PCDH7: variants seen among roughly 807,000 people sequenced by gnomAD.
The protein encoded by PCDH7 is protocadherin-7.
PCDH7 carries 17 observed loss-of-function variants against 58.9 expected under a neutral mutation model. That is an observed-to-expected ratio of 0.29 (90% CI 0.20 to 0.43). The LOEUF (loss-of-function observed/expected upper bound fraction) is 0.43, where lower values mean the gene tolerates loss of function less well. Among genes scored for constraint, PCDH7 ranks in the 20% least tolerant of loss-of-function variants. The probability of loss-of-function intolerance (pLI) is 1.00; values close to 1 mark genes in which losing one functional copy is unlikely to be tolerated. For synonymous variants in PCDH7, 664 were observed against 616.4 expected (o/e 1.08, Z -1.14); for missense variants, 1,274 against 1,441.0 (o/e 0.88, Z 1.88).
At chr4:31,022,683 C>T (rs1006007975) in intron 3 of PCDH7, among the ~76,000 whole-genome samples, 1 of 151,952 alleles carries the variant, frequency 6.6e-6, no homozygotes, top group Admixed American at 6.6e-5. Flanking sequence ...TCAGTTTTTC[C>T]ATAGAAAAAA....
chr4:31,120,576 T>G (rs988597159), intron 3 of PCDH7, among the ~76,000 whole-genome samples: 10 of 152,078 alleles, frequency 6.6e-5, no homozygotes, highest in Admixed American at 6.6e-4. Flanking sequence ...TTCCCTTTCT[T>G]AAATTCATAT....
chr4:30,799,876 C>T (rs1216735585), intron 1 of PCDH7, among the ~76,000 whole-genome samples: 12 of 149,196 alleles, frequency 8.0e-5, no homozygotes, highest in South Asian at 4.2e-4. Context: ...TTTTTGGACA[C>T]GGAGTCTCAC....
chr4:30,761,644 T>C (rs908546287), intron 1 of PCDH7, among the ~76,000 whole-genome samples: 1 of 152,174 alleles, frequency 6.6e-6, no homozygotes, highest in Non-Finnish European at 1.5e-5. Flanking sequence ...GACTGCCATA[T>C]GAGACAGCAT....
At chr4:31,041,623 C>T (rs1755870511) in intron 3 of PCDH7, among the ~76,000 whole-genome samples, 1 of 151,804 alleles carries the variant, frequency 6.6e-6, no homozygotes, top group African/African-American at 2.4e-5. Context: ...AAGAATTGTC[C>T]CCAACTAGAC....
rs574350588 is a variant in PCDH7, at chr4:31,055,804, T to C, written c.*8-86669T>C. Among the ~76,000 whole-genome samples the C allele has an allele frequency of 4.9e-4, 75 of 152,132 alleles. 4 individuals are homozygous for C. In the South Asian group the frequency reaches 0.015, roughly 31 times the overall value. On this transcript the variant is annotated intron_variant, in intron 3 of 3. Coordinates refer to the PCDH7 transcript ENST00000509759. ...GTTAGCCAGGCTGGCCTTGAACTCC[T>C]GACCTCAAATGATCCACCCACCTCG...
At chr4:30,769,564 A>G (rs1229030864) in intron 1 of PCDH7, among the ~76,000 whole-genome samples, 1 of 152,100 alleles carries the variant, frequency 6.6e-6, no homozygotes, top group Non-Finnish European at 1.5e-5. Context: ...CTTAAATTTG[A>G]GATGTTACTG....
At chr4:31,060,813 C>T (rs955425147) in intron 3 of PCDH7, among the ~76,000 whole-genome samples, 1 of 151,668 alleles carries the variant, frequency 6.6e-6, no homozygotes, top group Non-Finnish European at 1.5e-5. Context: ...TTAGATAATA[C>T]ATCAGTAATG....
At chr4:30,973,112 G>A (rs1299471444) in intron 3 of PCDH7, among the ~76,000 whole-genome samples, 1 of 152,146 alleles carries the variant, frequency 6.6e-6, no homozygotes, top group Non-Finnish European at 1.5e-5. Context: ...TTCTTAATAA[G>A]TTTGCCTTTA....
chr4:30,730,712 T>C, intron 1 of PCDH7: 1 of 1,331,552 alleles, frequency 7.5e-7, no homozygotes, highest in Non-Finnish European at 1.0e-6. Context: ...TCTTTATCGA[T>C]TTTTTTTTAC....
chr4:30,884,396 T>G (rs1383888701), intron 1 of PCDH7: 1 of 152,196 alleles, frequency 6.6e-6, no homozygotes, highest in African/African-American at 2.4e-5. Context: ...GGGAGGGGAC[T>G]GGTTTACAAG....
At chr4:31,134,871 A>G (rs1207723210) in intron 3 of PCDH7, among the ~76,000 whole-genome samples, 3 of 152,152 alleles carry the variant, frequency 2.0e-5, no homozygotes, top group Non-Finnish European at 4.4e-5. Context: ...AGGTGAATGC[A>G]AAGTTGTGAC....
At chr4:30,995,523 A>T (rs1751821603) in intron 3 of PCDH7, among the ~76,000 whole-genome samples, 1 of 152,094 alleles carries the variant, frequency 6.6e-6, no homozygotes, top group Admixed American at 6.5e-5. Flanking sequence ...AAGGAAAAAA[A>T]AAAAAAGATG....
At chr4:30,853,156 A>G (rs1045993379) in intron 1 of PCDH7, among the ~76,000 whole-genome samples, 1 of 152,104 alleles carries the variant, frequency 6.6e-6, no homozygotes, top group Non-Finnish European at 1.5e-5. Context: ...TTCTAAAAGA[A>G]AAAACTAGGC....
intron 1 of PCDH7, among the ~76,000 whole-genome samples, chr4:30,856,489 G>T (rs982644166): frequency 6.6e-6 from 1 of 152,068 alleles, no homozygotes; most frequent in Non-Finnish European, 1.5e-5. Context: ...TTTTACAAAA[G>T]CTTAGAAGTC....
At chr4:30,974,855 A>T (rs1251410476) in intron 3 of PCDH7, among the ~76,000 whole-genome samples, 1 of 152,204 alleles carries the variant, frequency 6.6e-6, no homozygotes, top group African/African-American at 2.4e-5. Context: ...GCAAGCTAAG[A>T]GAAATTAATG....
intron 3 of PCDH7, among the ~76,000 whole-genome samples, chr4:31,071,096 T>G (rs986225662): frequency 7.9e-5 from 12 of 152,064 alleles, no homozygotes; most frequent in Admixed American, 3.9e-4. Flanking sequence ...AGACTGACAC[T>G]GTCAAGTTGA....
intron 1 of PCDH7, among the ~76,000 whole-genome samples, chr4:30,754,161 GGTGTGT>G (rs137965585): frequency 7.2e-6 from 1 of 138,580 alleles, no homozygotes; most frequent in South Asian, 2.2e-4. Flanking sequence ...GCAAACACTA[GGTGTGT>G]GTGTGTGTGT....
intron 3 of PCDH7, among the ~76,000 whole-genome samples, chr4:31,139,308 T>C (rs945925742): frequency 2.0e-5 from 3 of 152,190 alleles, no homozygotes; most frequent in African/African-American, 7.2e-5. Context: ...TGTTGTTCAT[T>C]TGTATTGATT....
intron 1 of PCDH7, among the ~76,000 whole-genome samples, chr4:30,916,622 G>A (rs919478482): frequency 1.1e-4 from 17 of 152,128 alleles, no homozygotes; most frequent in Non-Finnish European, 2.2e-4. Context: ...ACAGAAAAAT[G>A]CAAAGTTCAG....
Sources: gnomAD v4.1 joint callset for allele counts (sites outside exome capture counted in the v4.1 genomes callset) on GRCh38, gnomAD v4.1.1 for gene constraint, MANE v1.5 for transcripts, NCBI Gene and HGNC (gene_info 2026-07-23, HGNC 2026-07-21) for gene names.